The following LRRTM4 variants were observed in gnomAD, a reference collection of about 807,000 sequenced individuals.
LRRTM4 encodes the protein leucine rich repeat transmembrane neuronal 4.
A neutral mutation model predicts 47.6 loss-of-function variants in LRRTM4; 25 were observed. The observed-to-expected ratio is 0.53, with a 90% CI of 0.38 to 0.73. LRRTM4 has a LOEUF of 0.73. LRRTM4 is among the 30% of genes least tolerant of loss of function. The pLI is 0.00. For missense variants in LRRTM4, 638 were observed against 713.4 expected, an observed-to-expected ratio of 0.89 and a Z score of 1.20; for synonymous variants, 311 against 269.5, an observed-to-expected ratio of 1.15 and a Z score of -1.51.
intron 3 of LRRTM4, among the ~76,000 whole-genome samples, chr2:77,125,702 A>G (rs1407878275): frequency 1.3e-5 from 2 of 152,224 alleles, no homozygotes; most frequent in African/African-American, 4.8e-5. Context: ...TTTGAGAAAT[A>G]TATCAAAATA....
intron 3 of LRRTM4, among the ~76,000 whole-genome samples, chr2:77,296,087 A>G (rs1676965582): frequency 6.6e-6 from 1 of 152,192 alleles, no homozygotes; most frequent in Non-Finnish European, 1.5e-5. Flanking sequence ...TTTTGCTCTG[A>G]CAGATATATT....
chr2:77,186,803 G>A (rs1673517101), intron 3 of LRRTM4, among the ~76,000 whole-genome samples: 1 of 151,912 alleles, frequency 6.6e-6, no homozygotes, highest in African/African-American at 2.4e-5. Context: ...TAAGAGTTGA[G>A]AGAAGCTTGG....
intron 3 of LRRTM4, among the ~76,000 whole-genome samples, chr2:77,048,871 A>G (rs930751686): frequency 1.3e-5 from 2 of 151,362 alleles, no homozygotes; most frequent in Admixed American, 6.6e-5. Context: ...TGTCCTTCCA[A>G]TACAGCTGTA....
chr2:77,113,742 G>A (rs922823237), intron 3 of LRRTM4, among the ~76,000 whole-genome samples: 2 of 152,052 alleles, frequency 1.3e-5, no homozygotes, highest in African/African-American at 2.4e-5. Flanking sequence ...CAAAGTGACC[G>A]GTTGAGGAAC....
At chr2:76,973,969 C>T (rs1676309407) in intron 3 of LRRTM4, among the ~76,000 whole-genome samples, 1 of 151,576 alleles carries the variant, frequency 6.6e-6, no homozygotes. Context: ...GTCATTTTCA[C>T]ATTTTCAAGA....
intron 3 of LRRTM4, among the ~76,000 whole-genome samples, chr2:77,479,075 T>C (rs900019925): frequency 1.2e-4 from 19 of 152,056 alleles, no homozygotes; most frequent in African/African-American, 4.6e-4. Context: ...TTTATATTTT[T>C]AGTAGAGATG....
At chr2:76,795,084 G>C (rs1189918067) in intron 3 of LRRTM4, among the ~76,000 whole-genome samples, 1 of 151,898 alleles carries the variant, frequency 6.6e-6, no homozygotes, top group Non-Finnish European at 1.5e-5. Flanking sequence ...CTTTAACATA[G>C]ACGGCAGATA....
chr2:76,936,634 C>T (rs1674960429), intron 3 of LRRTM4, among the ~76,000 whole-genome samples: 1 of 149,618 alleles, frequency 6.7e-6, no homozygotes, highest in Non-Finnish European at 1.5e-5. Context: ...CAGTGATACT[C>T]ACTCTTTACT....
At chr2:76,958,013 C>T (rs1675732893) in intron 3 of LRRTM4, among the ~76,000 whole-genome samples, 1 of 151,542 alleles carries the variant, frequency 6.6e-6, no homozygotes. Context: ...TAGTTATTAT[C>T]AGCTGTAGGC....
chr2:77,243,635 T>C (rs1675337570), intron 3 of LRRTM4, among the ~76,000 whole-genome samples: 2 of 151,710 alleles, frequency 1.3e-5, no homozygotes, highest in Non-Finnish European at 2.9e-5. Context: ...TGCACAACAA[T>C]GTGAATGTAC....
intron 3 of LRRTM4, among the ~76,000 whole-genome samples, chr2:77,337,163 A>G (rs2104266213): frequency 6.6e-6 from 1 of 152,252 alleles, no homozygotes; most frequent in East Asian, 1.9e-4. Flanking sequence ...CATCTAACCA[A>G]GGAGGTGAAA....
intron 3 of LRRTM4, among the ~76,000 whole-genome samples, chr2:77,121,549 A>G (rs1477367996): frequency 6.6e-6 from 1 of 151,906 alleles, no homozygotes; most frequent in Admixed American, 6.6e-5. Context: ...ATTTACACAC[A>G]TAGATGATTT....
chr2:76,837,604 A>C (rs1285705905), intron 3 of LRRTM4, among the ~76,000 whole-genome samples: 8 of 152,172 alleles, frequency 5.3e-5, no homozygotes, highest in African/African-American at 1.4e-4. Context: ...CCAAAGGATT[A>C]TAAATCATGC....
chr2:77,327,255 T>C (rs945047725), intron 3 of LRRTM4, among the ~76,000 whole-genome samples: 1 of 152,184 alleles, frequency 6.6e-6, no homozygotes, highest in African/African-American at 2.4e-5. Flanking sequence ...GTATAAAATA[T>C]AAAAATGCTA....
chr2:77,411,398 C>CTTCT (rs1674416385), intron 3 of LRRTM4, among the ~76,000 whole-genome samples: 1 of 149,772 alleles, frequency 6.7e-6, no homozygotes, highest in Non-Finnish European at 1.5e-5. Flanking sequence ...CTCTTTCTTT[C>CTTCT]TTCTTTATTT....
intron 3 of LRRTM4, among the ~76,000 whole-genome samples, chr2:76,942,664 A>C (rs1287842146): frequency 9.5e-6 from 1 of 104,900 alleles, no homozygotes; most frequent in African/African-American, 4.9e-5. Context: ...CAAGTAACCA[A>C]CCTCTAGGAA....
intron 3 of LRRTM4, among the ~76,000 whole-genome samples, chr2:76,910,987 A>G (rs1037701993): frequency 1.3e-5 from 2 of 152,244 alleles, no homozygotes; most frequent in African/African-American, 4.8e-5. Flanking sequence ...GGATTGCTGA[A>G]CACTAATGCA....
At chr2:77,066,096 A>G (rs1261616463) in intron 3 of LRRTM4, among the ~76,000 whole-genome samples, 2 of 152,194 alleles carry the variant, frequency 1.3e-5, no homozygotes, top group Non-Finnish European at 2.9e-5. Flanking sequence ...TATGGATTTT[A>G]CAATGTGAAT....
intron 3 of LRRTM4, among the ~76,000 whole-genome samples, chr2:77,268,759 G>A (rs1324596153): frequency 3.3e-5 from 5 of 152,034 alleles, no homozygotes. Flanking sequence ...TCTGTATTCT[G>A]AATCACTCGT....
Sources: gnomAD v4.1 joint callset for allele counts (sites outside exome capture counted in the v4.1 genomes callset) on GRCh38, gnomAD v4.1.1 for gene constraint, MANE v1.5 for transcripts, NCBI Gene and HGNC (gene_info 2026-07-23, HGNC 2026-07-21) for gene names.